The following SLC24A3 variants were observed in gnomAD, a reference collection of about 807,000 sequenced individuals.
SLC24A3 encodes the protein solute carrier family 24 member 3, also known as sodium/potassium/calcium exchanger 3.
SLC24A3 carries 28 observed loss-of-function variants against 75.8 expected under a neutral mutation model. The ratio of observed to expected loss-of-function variants is 0.37; its 90% CI spans 0.27 to 0.51. SLC24A3 has a LOEUF of 0.51. Ranked by LOEUF, SLC24A3 falls within the 20% of genes least tolerant of loss-of-function variation. The pLI is 0.94. For synonymous variants in SLC24A3, 372 were observed against 334.1 expected (o/e 1.11, Z -1.24); for missense variants, 663 against 847.8 (o/e 0.78, Z 2.71).
At chr20:19,521,012 A>G (rs2030088470) in intron 3 of SLC24A3, among the ~76,000 whole-genome samples, 1 of 152,154 alleles carries the variant, frequency 6.6e-6, no homozygotes, top group Non-Finnish European at 1.5e-5. Flanking sequence ...GGCTAGTCAC[A>G]TCTTATCCTC....
chr20:19,581,869 G>T (rs1244333195), intron 4 of SLC24A3, among the ~76,000 whole-genome samples: 2 of 152,158 alleles, frequency 1.3e-5, no homozygotes, highest in African/African-American at 4.8e-5. Context: ...TGGCTGCACT[G>T]CCCAGACCCA....
intron 6 of SLC24A3, among the ~76,000 whole-genome samples, chr20:19,645,681 T>G (rs1406693538): frequency 6.6e-6 from 1 of 151,810 alleles, no homozygotes; most frequent in Non-Finnish European, 1.5e-5. Flanking sequence ...TAAAAAAAAA[T>G]GCAATGTACA....
At chr20:19,356,295 C>T (rs772548386) in intron 2 of SLC24A3, among the ~76,000 whole-genome samples, 7 of 152,202 alleles carry the variant, frequency 4.6e-5, no homozygotes, top group African/African-American at 7.2e-5. Context: ...TCAATCTGTT[C>T]CTTTCTCCCA....
chr20:19,441,722 T>G (rs6046098), intron 2 of SLC24A3, among the ~76,000 whole-genome samples: 19,196 of 152,094 alleles, frequency 0.13, 3,206 homozygotes, highest in East Asian at 0.36. Context: ...TTATTCTTGG[T>G]GTATAGTTCT....
At chr20:19,551,227 C>T (rs2030688131) in intron 3 of SLC24A3, among the ~76,000 whole-genome samples, 1 of 152,144 alleles carries the variant, frequency 6.6e-6, no homozygotes, top group African/African-American at 2.4e-5. Context: ...GGAGTCAGGA[C>T]CTCACATGGA....
intron 6 of SLC24A3, among the ~76,000 whole-genome samples, chr20:19,604,224 C>T (rs557354961): frequency 2.6e-5 from 4 of 151,448 alleles, no homozygotes; most frequent in South Asian, 4.2e-4. Flanking sequence ...AATAGGGGGA[C>T]GTCAGGGCCT....
intron 2 of SLC24A3, among the ~76,000 whole-genome samples, chr20:19,299,324 C>G (rs1436140440): frequency 6.6e-6 from 1 of 152,016 alleles, no homozygotes; most frequent in Non-Finnish European, 1.5e-5. Context: ...AGCCATCCTG[C>G]CACAGCAGTG....
In SLC24A3 at chr20:19,226,285, G is replaced by A. The variant is rs145745481; in HGVS notation, c.142+13301G>A. Among the ~76,000 whole-genome samples, 644 of 152,220 alleles carry A rather than the reference G, an allele frequency of 4.2e-3. 6 individuals are homozygous for A. Among genetic ancestry groups the A allele is most frequent in the African/African-American group, 0.015 (624 of 41,546 alleles). On this transcript the variant is annotated intron_variant, in intron 1 of 16. Transcript: ENST00000328041. Reference sequence around the variant, plus strand: ...TATAAGACCCACTTGATCATGGTGTGTTTTTCATTTTGTATTTCCTGGATT... The same window carrying A: ...TATAAGACCCACTTGATCATGGTGTATTTTTCATTTTGTATTTCCTGGATT...
At chr20:19,517,760 C>T (rs2030023846) in intron 3 of SLC24A3, among the ~76,000 whole-genome samples, 1 of 152,212 alleles carries the variant, frequency 6.6e-6, no homozygotes, top group Non-Finnish European at 1.5e-5. Flanking sequence ...AAGGCCCTTG[C>T]AGGTTTTCTC....
intron 2 of SLC24A3, among the ~76,000 whole-genome samples, chr20:19,455,742 TG>T (rs1033412526): frequency 6.6e-6 from 1 of 152,344 alleles, no homozygotes; most frequent in African/African-American, 2.4e-5. Flanking sequence ...TTCGGGGCTC[TG>T]TCTCACTTCC....
chr20:19,249,493 G>A lies in SLC24A3; in HGVS notation c.143-31466G>A, dbSNP rs114936804. ...ACCTCAGGAGTGTCAACATCCCCAC[G>A]GTCAGCTGCTTCTTCTCTAGCTCCA... On this transcript the variant is annotated intron_variant, in intron 1 of 16. Coordinates refer to ENST00000328041, the MANE Select transcript of SLC24A3 (RefSeq NM_020689.4). 8.6e-3 allele frequency among the ~76,000 whole-genome samples: 1,306 copies of A among 152,172 alleles called. 19 individuals are homozygous for A. Among genetic ancestry groups the A allele is most frequent in the African/African-American group, 0.029 (1,185 of 41,484 alleles).
intron 1 of SLC24A3, among the ~76,000 whole-genome samples, chr20:19,215,565 T>C (rs1981530626): frequency 1.3e-5 from 2 of 152,154 alleles, no homozygotes; most frequent in Non-Finnish European, 2.9e-5. Flanking sequence ...CATATTGACC[T>C]TTCCCTCCCT....
At chr20:19,665,369 C>CA (rs145420601) in intron 7 of SLC24A3, among the ~76,000 whole-genome samples, 11,264 of 150,260 alleles carry the variant, frequency 0.075, 475 homozygotes, top group Middle Eastern at 0.12. Flanking sequence ...TTTAAGGAAA[C>CA]AAAAAAAAAT....
At chr20:19,491,645 C>T (rs550937094) in intron 2 of SLC24A3, among the ~76,000 whole-genome samples, 2 of 152,292 alleles carry the variant, frequency 1.3e-5, no homozygotes, top group South Asian at 4.2e-4. Flanking sequence ...CACCCCTGCC[C>T]CTCCTCTGTT....
At chr20:19,389,743 T>A (rs1031682335) in intron 2 of SLC24A3, among the ~76,000 whole-genome samples, 1 of 152,244 alleles carries the variant, frequency 6.6e-6, no homozygotes, top group East Asian at 1.9e-4. Flanking sequence ...TGGGGCTCTT[T>A]GGAATTTATA....
chr20:19,684,007 A>G (rs1020268238), intron 10 of SLC24A3, among the ~76,000 whole-genome samples, 169 bp from the exon 11 acceptor site: 2 of 152,114 alleles, frequency 1.3e-5, no homozygotes, highest in African/African-American at 4.8e-5. Context: ...GATGGGTGGA[A>G]GGAAGGAAGA....
At chr20:19,672,477 AG>A (rs2032479970) in intron 8 of SLC24A3, among the ~76,000 whole-genome samples, 1 of 152,064 alleles carries the variant, frequency 6.6e-6, no homozygotes, top group South Asian at 2.1e-4. Context: ...CCGAGACTCC[AG>A]GGGCACACCA....
intron 2 of SLC24A3, among the ~76,000 whole-genome samples, chr20:19,417,846 T>TA (rs1392747379): frequency 6.6e-6 from 1 of 152,158 alleles, no homozygotes; most frequent in East Asian, 1.9e-4. Flanking sequence ...AGTGAAACTC[T>TA]ACATACTGAA....
At chr20:19,260,237 A>G (rs1462244889) in intron 1 of SLC24A3, among the ~76,000 whole-genome samples, 1 of 152,228 alleles carries the variant, frequency 6.6e-6, no homozygotes, top group Non-Finnish European at 1.5e-5. Context: ...ATGCAGAGAT[A>G]ACAGGTAGCC....
Sources: allele counts gnomAD v4.1 joint callset (sites outside exome capture counted in the v4.1 genomes callset), GRCh38; gene constraint gnomAD v4.1.1; transcripts MANE v1.5; gene names NCBI Gene and HGNC (gene_info 2026-07-23, HGNC 2026-07-21).